CEP350: variants seen among roughly 807,000 people sequenced by gnomAD.
CEP350 encodes centrosomal protein 350.
Under a neutral mutation model 331.8 loss-of-function variants are expected in CEP350, and 126 were observed. The observed-to-expected ratio is 0.38, with a 90% CI of 0.33 to 0.44. The LOEUF (loss-of-function observed/expected upper bound fraction) is 0.44, where lower values mean the gene tolerates loss of function less well. Ranked by LOEUF, CEP350 falls within the 20% of genes least tolerant of loss-of-function variation. The probability of loss-of-function intolerance (pLI) is 1.00; values close to 1 mark genes in which losing one functional copy is unlikely to be tolerated. For missense variants in CEP350, 3,406 were observed against 3,634.6 expected (o/e 0.94, Z 1.62); for synonymous variants, 1,200 against 1,259.5 (o/e 0.95, Z 1.00).
intron 37 of CEP350, among the ~76,000 whole-genome samples, chr1:180,100,351 C>T (rs184803443): frequency 1.1e-3 from 171 of 152,272 alleles, no homozygotes; most frequent in African/African-American, 3.7e-3. Flanking sequence ...TGAATTTGTT[C>T]TCCTATTTCT....
chr1:180,085,698 A>G (rs201040420), intron 31 of CEP350: 1 of 152,170 alleles, frequency 6.6e-6, no homozygotes, highest in East Asian at 1.9e-4. Flanking sequence ...ATTTCAAGCT[A>G]ATTGGTTTCC....
rs1455764757 is a variant in CEP350 at position 180,015,994 on chromosome 1, G to T, written c.2174+24G>T. 3.7e-6 allele frequency: 6 copies of T among 1,609,510 alleles called. No individual in the cohort carries two copies. The South Asian group carries it at 6.7e-5, about 18-fold the overall frequency. ...AGGTAAAAAGGGAAGAATGAAAGAT[G>T]ATTAAGATTCTTTTCATGAAATTTA... On this transcript the variant is annotated intron_variant, in intron 11 of 37. Coordinates refer to ENST00000367607, the MANE Select transcript of CEP350 (RefSeq NM_014810.5).
Position 180,016,613 on chromosome 1 carries a change from G to A in CEP350, c.2174+643G>A, listed in dbSNP as rs747841977. 1.7e-4 allele frequency among the ~76,000 whole-genome samples: 26 copies of A among 151,158 alleles called. No individual in the cohort carries two copies. The South Asian group carries it at 2.1e-3, about 12-fold the overall frequency. The stretch of plus-strand genomic sequence containing the variant: ...AAAGGGAAAGATTTTGAAACTCTTT[G>A]AGAACACGTAAATAGAAATCAAAAT... On this transcript the variant is annotated intron_variant, in intron 11 of 37. Coordinates refer to ENST00000367607, the MANE Select transcript of CEP350 (RefSeq NM_014810.5).
Position 180,078,571 on chromosome 1 carries a change from A to C in CEP350, c.5876A>C (p.Glu1959Ala), listed in dbSNP as rs1659373989. ...GSPAVEYVPS[E>A]SIGQEQPGSP... The stretch of plus-strand genomic sequence containing the variant: ...CCTGCTGTTGAATATGTACCATCCG[A>C]GTCTATAGGACAGGAGCAGCCAGGG... Residue 1959 changes from glutamate to alanine, a missense_variant, in exon 29 of 38, where the codon GAG becomes GCG. Glu to Ala is a moderately radical substitution (Grantham distance 107). Transcript: ENST00000367607. 6.2e-7 allele frequency: 1 copy of C among 1,613,526 alleles called. No individual in the cohort carries two copies. The highest frequency in any genetic ancestry group is 1.3e-5 in the African/African-American group (1 of 74,932).
intron 27 of CEP350, chr1:180,073,756 G>T (rs545619165): frequency 7.7e-7 from 1 of 1,298,718 alleles, no homozygotes; most frequent in African/African-American, 1.5e-5. Flanking sequence ...TTGATCTCTT[G>T]TTTTTAAAAT....
Position 180,020,367 on chromosome 1 carries a change from C to T in CEP350, c.2593C>T (p.Gln865Ter). ...ATGGAACACTGAGTATGATGTGCAG[C>T]AGGCACCTCAAGAAGATGGACCTTG... ...SAWNTEYDVQQAPQEDGPWTK... is the reference protein window; with the variant it reads ...SAWNTEYDVQ The change falls in exon 12 of 38, where the codon CAG (glutamine) becomes TAG (stop). Residue 865 changes from glutamine to a stop codon, truncating the protein, a stop_gained. Transcript: ENST00000367607. LOFTEE classifies it high-confidence loss of function. 6.2e-7 allele frequency: 1 copy of T among 1,613,734 alleles called. No homozygotes were observed. The highest frequency in any genetic ancestry group is 8.5e-7 in the Non-Finnish European group (1 of 1,179,896).
At chr1:179,970,135 C>T (rs1289620191) in intron 1 of CEP350, among the ~76,000 whole-genome samples, 3 of 152,118 alleles carry the variant, frequency 2.0e-5, no homozygotes, top group Admixed American at 6.5e-5. Context: ...GTCTTGTTTA[C>T]GAAGTTTAGC....
rs539166899 is a variant in CEP350, at chr1:180,014,457, G to A, written c.2004G>A (p.Lys668=). The part of the protein sequence containing the change: ...QETYSKLLLE[K]TLLEEPSHQH... ...CTTACTCCAAATTGCTACTAGAAAAGACCTTGCTTGAAGAGCCATCTCATC... is the reference window on the plus strand; with the variant it reads ...CTTACTCCAAATTGCTACTAGAAAAAACCTTGCTTGAAGAGCCATCTCATC... Residue 668 remains lysine (K), a synonymous_variant, in exon 10 of 38, where the codon AAG becomes AAA. Coordinates refer to ENST00000367607, the MANE Select transcript of CEP350 (RefSeq NM_014810.5). The A allele has an allele frequency of 3.7e-6, 6 of 1,609,798 alleles. No homozygotes were observed. The South Asian group carries it at 6.7e-5, about 18-fold the overall frequency.
intron 25 of CEP350, among the ~76,000 whole-genome samples, chr1:180,058,145 T>C (rs560831235): frequency 1.3e-5 from 2 of 152,284 alleles, no homozygotes; most frequent in East Asian, 1.9e-4. Context: ...CTTTCACATA[T>C]GTTCAAGGGA....
intron 7 of CEP350, among the ~76,000 whole-genome samples, chr1:180,004,955 C>CTTT (rs1558093320): frequency 4.1e-4 from 30 of 72,624 alleles, no homozygotes; most frequent in South Asian, 5.5e-4. Flanking sequence ...TTCTTTCTTT[C>CTTT]CCCTCTCTCT....
In CEP350 at chr1:180,094,124, C is replaced by T; in HGVS notation, c.8019C>T (p.Ala2673=). 6.2e-7 allele frequency: 1 copy of T among 1,613,742 alleles called. No individual in the cohort carries two copies. The highest frequency in any genetic ancestry group is 1.1e-5 in the South Asian group (1 of 91,040). ...SKENKDLISD[A]TEKVSIAAED... ...AAAACAAAGACCTCATTTCTGATGC[C>T]ACAGAAAAGGTTTCCATCGCTGCAG... Residue 2673 remains alanine (A), a synonymous_variant, in exon 34 of 38, where the codon GCC becomes GCT. Coordinates refer to ENST00000367607, the MANE Select transcript of CEP350 (RefSeq NM_014810.5).
intron 29 of CEP350, among the ~76,000 whole-genome samples, chr1:180,079,258 C>A (rs1659419171): frequency 1.3e-5 from 2 of 148,164 alleles, no homozygotes; most frequent in African/African-American, 5.0e-5. Context: ...ATTAGCATAA[C>A]AATATTAAAT....
intron 14 of CEP350, among the ~76,000 whole-genome samples, chr1:180,030,303 ATGTGTATATATGTATATATATACATATG>A (rs1470720801): frequency 6.9e-6 from 1 of 145,596 alleles, no homozygotes; most frequent in East Asian, 1.9e-4. Flanking sequence ...ATAAGTATAT[ATGTGTATATATGTATATATATACATATG>A]TGTGTATATA....
intron 20 of CEP350, 130 bp downstream of exon 20, chr1:180,043,322 C>G: frequency 1.9e-6 from 2 of 1,069,356 alleles, no homozygotes; most frequent in South Asian, 1.8e-5. Context: ...TGGGCATAGT[C>G]TAGTAGGGAA....
At position 180,021,027 on chromosome 1, in the gene CEP350, A is replaced by T. The variant is rs748781725; in HGVS notation, c.3235+18A>T. The T allele has an allele frequency of 2.7e-5, 39 of 1,463,872 alleles. 1 individual carries two copies. In the South Asian group the frequency reaches 5.4e-4, roughly 20 times the overall value. The allele number at this position is 1,463,872 out of a possible 1,614,324, so 90.7% of individuals were successfully genotyped here. A position where few individuals can be genotyped will look rare whatever the true frequency, so the allele number is the denominator to read the frequency against. On this transcript the variant is annotated intron_variant, in intron 12 of 37. Transcript: ENST00000367607. The stretch of plus-strand genomic sequence containing the variant: ...TGGAAAAGGTGAGAAAAATAAATAT[A>T]GCTTGTACTGTTTGTATATTAAGAT...
At position 180,065,141 on chromosome 1, in the gene CEP350, G is replaced by A. The variant is rs113909526; in HGVS notation, c.5436G>A (p.Lys1812=). Residue 1812 remains lysine, a synonymous_variant, in exon 27 of 38, where the codon AAG becomes AAA. Coordinates refer to ENST00000367607, the MANE Select transcript of CEP350 (RefSeq NM_014810.5). ...KLDSHSDDDT[K]DNKATSPGPT... is the part of the protein sequence containing the mutation. ...ACTCTCATAGTGATGATGATACAAA[G>A]GATAATAAGGCAACCAGTCCTGGTC... The A allele has an allele frequency of 1.7e-4, 266 of 1,610,162 alleles. 4 individuals carry two copies. The African/African-American group carries it at 3.1e-3, about 19-fold the overall frequency.
chr1:180,004,898 G>GCTTT (rs1491096254), intron 7 of CEP350, among the ~76,000 whole-genome samples: 48 of 121,460 alleles, frequency 4.0e-4, no homozygotes, highest in African/African-American at 1.1e-3. Flanking sequence ...TTGCTTGCTT[G>GCTTT]CTTGCTTGCT....
chr1:180,062,549 G>A (rs1170227050), intron 26 of CEP350, among the ~76,000 whole-genome samples, 183 bp downstream of exon 26: 3 of 152,178 alleles, frequency 2.0e-5, no homozygotes, highest in Non-Finnish European at 4.4e-5. Context: ...ACCTAAGACT[G>A]GGTAATTTAT....
At chr1:180,029,495 T>G (rs570735792) in intron 14 of CEP350, among the ~76,000 whole-genome samples, 139 of 152,304 alleles carry the variant, frequency 9.1e-4, no homozygotes, top group African/African-American at 3.2e-3. Context: ...AATATTCTGT[T>G]TTAAGTGTAC....
Sources: gnomAD v4.1 joint callset for allele counts (sites outside exome capture counted in the v4.1 genomes callset) on GRCh38, gnomAD v4.1.1 for gene constraint, MANE v1.5 for transcripts, NCBI Gene and HGNC (gene_info 2026-07-23, HGNC 2026-07-21) for gene names.